HS3ST4: variants seen among roughly 807,000 people sequenced by gnomAD.
HS3ST4 encodes the protein heparan sulfate glucosamine 3-O-sulfotransferase 4.
In HS3ST4, 17 loss-of-function variants were observed where a neutral mutation model predicts 29.2. That is an observed-to-expected ratio of 0.58 (90% CI 0.40 to 0.87). The LOEUF (loss-of-function observed/expected upper bound fraction) is 0.87. Ranked by LOEUF, HS3ST4 falls within the 40% of genes least tolerant of loss-of-function variation. The probability of loss-of-function intolerance (pLI) is 0.00; values close to 1 mark genes in which losing one functional copy is unlikely to be tolerated. For synonymous variants in HS3ST4, 314 were observed against 285.7 expected (o/e 1.10, Z -1.00); for missense variants, 627 against 634.5 (o/e 0.99, Z 0.13).
rs1446545817 is a variant in HS3ST4, at chr16:25,780,435, TC to T, written c.734+87285del. Among the ~76,000 whole-genome samples, 14 of 152,310 alleles carry T rather than the reference TC, an allele frequency of 9.2e-5. No individual in the cohort carries two copies. In the South Asian group the frequency reaches 2.9e-3, roughly 32 times the overall value. On this transcript the variant is annotated intron_variant, in intron 1 of 1. Transcript: ENST00000331351. ...CTCTGCATCGGTAAAGTTTGGGTGA[TC>T]ATAGGGGTCTCTTGTTGAGAATAAT...
At chr16:25,693,301 AG>A in intron 1 of HS3ST4, 150 bp downstream of exon 1, 2 of 844,792 alleles carry the variant, frequency 2.4e-6, no homozygotes, top group Non-Finnish European at 3.5e-6. Context: ...GGCGTTGCTC[AG>A]GGGGATCGGC....
intron 1 of HS3ST4, among the ~76,000 whole-genome samples, chr16:25,930,761 C>T (rs900564897): frequency 7.2e-5 from 11 of 152,078 alleles, no homozygotes; most frequent in East Asian, 5.8e-4. Flanking sequence ...TATGTCCTAC[C>T]GATGTAGGGA....
chr16:25,880,576 G>A (rs549405840), intron 1 of HS3ST4, among the ~76,000 whole-genome samples: 10 of 152,210 alleles, frequency 6.6e-5, no homozygotes, highest in African/African-American at 1.7e-4. Flanking sequence ...ATGTATAGCC[G>A]CTTTCATCTG....
chr16:26,044,338 G>A (rs1898241289), intron 1 of HS3ST4, among the ~76,000 whole-genome samples: 1 of 152,198 alleles, frequency 6.6e-6, no homozygotes, highest in Non-Finnish European at 1.5e-5. Flanking sequence ...GGAGTTTTCA[G>A]CCCCACACCC....
chr16:25,857,952 C>CTTTCTTTCTTTCTTTCTT (rs1967597093), intron 1 of HS3ST4, among the ~76,000 whole-genome samples: 3 of 53,858 alleles, frequency 5.6e-5, no homozygotes, highest in Admixed American at 3.7e-4. Flanking sequence ...TTCTTTCTTT[C>CTTTCTTTCTTTCTTTCTT]TTTCTTTCTT....
intron 1 of HS3ST4, among the ~76,000 whole-genome samples, chr16:25,952,495 G>A (rs187390386): frequency 1.7e-4 from 26 of 152,228 alleles, no homozygotes; most frequent in Admixed American, 1.2e-3. Flanking sequence ...TATTCTTTAC[G>A]AGCTCTTAAC....
intron 1 of HS3ST4, among the ~76,000 whole-genome samples, chr16:25,848,579 A>G (rs1215167661): frequency 6.6e-6 from 1 of 151,968 alleles, no homozygotes; most frequent in Non-Finnish European, 1.5e-5. Flanking sequence ...TATATCTAGT[A>G]TAAACCTCTC....
chr16:25,730,628 T>A (rs1310285737), intron 1 of HS3ST4, among the ~76,000 whole-genome samples: 1 of 105,162 alleles, frequency 9.5e-6, no homozygotes, highest in Non-Finnish European at 2.0e-5. Context: ...TCCTTCCTTC[T>A]TTCCTTCCCT....
At chr16:26,000,871 G>A (rs1164897181) in intron 1 of HS3ST4, among the ~76,000 whole-genome samples, 2 of 152,106 alleles carry the variant, frequency 1.3e-5, no homozygotes, top group Non-Finnish European at 1.5e-5. Context: ...ATCTAATCGT[G>A]AGAAAACATC....
chr16:25,886,580 A>C (rs1202538406), intron 1 of HS3ST4, among the ~76,000 whole-genome samples: 1 of 152,176 alleles, frequency 6.6e-6, no homozygotes, highest in Non-Finnish European at 1.5e-5. Flanking sequence ...TAGGGTGAGA[A>C]AGTTCTGCAA....
At chr16:25,799,676 C>A (rs1275685594) in intron 1 of HS3ST4, among the ~76,000 whole-genome samples, 2 of 152,182 alleles carry the variant, frequency 1.3e-5, no homozygotes, top group Non-Finnish European at 1.5e-5. Flanking sequence ...TTGAGACTCT[C>A]ACATGTTTCC....
chr16:26,049,276 C>T (rs892519150), intron 1 of HS3ST4, among the ~76,000 whole-genome samples: 4 of 151,394 alleles, frequency 2.6e-5, no homozygotes, highest in Admixed American at 6.6e-5. Flanking sequence ...GAAGTGCTGC[C>T]GTGGGTGAAG....
chr16:25,720,354 G>A (rs1966484363), intron 1 of HS3ST4, among the ~76,000 whole-genome samples: 2 of 152,216 alleles, frequency 1.3e-5, no homozygotes. Context: ...CCCCTAGTAA[G>A]ATGGGAGCCC....
chr16:26,070,182 A>G (rs947152162), intron 1 of HS3ST4, among the ~76,000 whole-genome samples: 171 of 152,086 alleles, frequency 1.1e-3, no homozygotes, highest in Admixed American at 2.9e-3. Context: ...AACAGTGTAA[A>G]AGTGTTCCTA....
chr16:25,789,803 A>G (rs2141619191), intron 1 of HS3ST4, among the ~76,000 whole-genome samples: 1 of 152,264 alleles, frequency 6.6e-6, no homozygotes, highest in African/African-American at 2.4e-5. Context: ...AATACTGCCT[A>G]TTCGAACTTC....
At chr16:26,104,355 T>A (rs541689576) in intron 1 of HS3ST4, among the ~76,000 whole-genome samples, 2 of 152,324 alleles carry the variant, frequency 1.3e-5, no homozygotes, top group South Asian at 4.1e-4. Flanking sequence ...TACAGGGATG[T>A]GATTGGGTTT....
At chr16:25,762,739 AC>A (rs1966795863) in intron 1 of HS3ST4, among the ~76,000 whole-genome samples, 1 of 151,030 alleles carries the variant, frequency 6.6e-6, no homozygotes, top group Admixed American at 6.6e-5. Flanking sequence ...CAAAAAAACC[AC>A]CCGACGTGTA....
intron 1 of HS3ST4, among the ~76,000 whole-genome samples, chr16:25,768,280 T>G (rs965725548): frequency 2.0e-5 from 3 of 152,232 alleles, no homozygotes; most frequent in Non-Finnish European, 4.4e-5. Context: ...ACTCATTTAT[T>G]TGCTTATTTT....
chr16:26,086,755 A>G (rs983987180), intron 1 of HS3ST4, among the ~76,000 whole-genome samples: 12 of 152,210 alleles, frequency 7.9e-5, no homozygotes, highest in African/African-American at 2.9e-4. Flanking sequence ...TTGACCCTTA[A>G]TAAATATCAA....
Sources: allele counts gnomAD v4.1 joint callset (sites outside exome capture counted in the v4.1 genomes callset), GRCh38; gene constraint gnomAD v4.1.1; transcripts MANE v1.5; gene names NCBI Gene and HGNC (gene_info 2026-07-23, HGNC 2026-07-21).